PPFIBP2: variants seen among roughly 807,000 people sequenced by gnomAD.
PPFIBP2 encodes the protein liprin-beta-2.
Under a neutral mutation model 118.3 loss-of-function variants are expected in PPFIBP2, and 118 were observed. The ratio of observed to expected loss-of-function variants is 1.00; its 90% CI spans 0.86 to 1.16. PPFIBP2 has a LOEUF of 1.16. PPFIBP2 is among the 50% of genes most tolerant of loss of function. The probability of loss-of-function intolerance (pLI) is 0.00; values close to 1 mark genes in which losing one functional copy is unlikely to be tolerated. For missense variants in PPFIBP2, 1,195 were observed against 1,073.1 expected, an observed-to-expected ratio of 1.11 and a Z score of -1.59; for synonymous variants, 414 against 397.4, an observed-to-expected ratio of 1.04 and a Z score of -0.50.
rs763186519 is a variant in PPFIBP2, at chr11:7,634,478, T to C, written c.1137-17T>C. On this transcript the variant is annotated splice_polypyrimidine_tract_variant and intron_variant, in intron 12 of 23. Transcript: ENST00000299492. ...CCTCCTTCTCATAACTATTTCTTTCTTTTGTGTTTTTTTCAGGGCTCAGAA... is the reference window on the plus strand; with the variant it reads ...CCTCCTTCTCATAACTATTTCTTTCCTTTGTGTTTTTTTCAGGGCTCAGAA... 18 of 1,593,644 alleles carry C rather than the reference T, an allele frequency of 1.1e-5. No homozygotes were observed. The East Asian group carries it at 3.3e-4, about 30-fold the overall frequency.
At chr11:7,649,293 A>AC (rs1389721828) in intron 20 of PPFIBP2, 58 bp downstream of exon 20, 22 of 1,456,008 alleles carry the variant, frequency 1.5e-5, no homozygotes, top group Non-Finnish European at 2.1e-5. Context: ...GCTCACGTGT[A>AC]CCCATGGTGG....
intron 3 of PPFIBP2, among the ~76,000 whole-genome samples, chr11:7,569,860 T>C (rs1855456354): frequency 6.6e-6 from 1 of 152,198 alleles, no homozygotes; most frequent in African/African-American, 2.4e-5. Context: ...CCTCCTTCTC[T>C]GTTTACTATG....
intron 5 of PPFIBP2, among the ~76,000 whole-genome samples, chr11:7,606,989 C>T (rs888821269): frequency 7.4e-6 from 1 of 134,552 alleles, no homozygotes; most frequent in Non-Finnish European, 1.5e-5. Flanking sequence ...CGGCTAACTG[C>T]AAGCTCTGCC....
In PPFIBP2 at chr11:7,577,351, GTT is replaced by G. The variant is rs745385650; in HGVS notation, c.279+11586_279+11587del. The G allele has an allele frequency of 2.3e-3, 772 of 342,426 alleles. 2 individuals carry two copies. The highest frequency in any genetic ancestry group is 0.011 in the Middle Eastern group (10 of 932). The allele number at this position is 342,426 out of a possible 1,614,324, so 21.2% of individuals were successfully genotyped here. A position where few individuals can be genotyped will look rare whatever the true frequency, so the allele number is the denominator to read the frequency against. On this transcript the variant is annotated intron_variant, in intron 3 of 23. Coordinates refer to ENST00000299492, the MANE Select transcript of PPFIBP2 (RefSeq NM_003621.5). ...TGTGTGTGTGTGTGTGTGTGTGTGT[GTT>G]TGTTGGGGTGGTCGGGGAGGACACT...
At chr11:7,562,548 T>G (rs1391483154) in intron 2 of PPFIBP2, among the ~76,000 whole-genome samples, 1 of 152,172 alleles carries the variant, frequency 6.6e-6, no homozygotes, top group Non-Finnish European at 1.5e-5. Flanking sequence ...TATCCACAAA[T>G]TACGAATATT....
At chr11:7,593,002 A>T in intron 3 of PPFIBP2, 130 bp from the exon 4 acceptor site, 1 of 1,325,280 alleles carries the variant, frequency 7.5e-7, no homozygotes, top group Non-Finnish European at 1.0e-6. Flanking sequence ...TCCTGTTTTG[A>T]TGATTGGTTT....
chr11:7,514,990 A>C (rs1166777999), intron 1 of PPFIBP2, among the ~76,000 whole-genome samples: 3 of 152,216 alleles, frequency 2.0e-5, no homozygotes, highest in Non-Finnish European at 2.9e-5. Context: ...TTGTAATACA[A>C]ATCTGAAGTG....
At chr11:7,650,085 C>T (rs921966249) in intron 21 of PPFIBP2, among the ~76,000 whole-genome samples, 3 of 152,082 alleles carry the variant, frequency 2.0e-5, no homozygotes, top group African/African-American at 7.2e-5. Context: ...CTTCCAGGCC[C>T]AGGTACAGGG....
rs532623245 is a variant in PPFIBP2, at chr11:7,553,568, C to G, written c.64+4029C>G. Among the ~76,000 whole-genome samples, 4 of 152,240 alleles carry G rather than the reference C, an allele frequency of 2.6e-5. No individual in the cohort carries two copies. The South Asian group carries it at 8.3e-4, about 32-fold the overall frequency. ...AGTTGGACTGTAGGGGTTTGAATCC[C>G]AGCTCAGCCATTTAGTGCTGGCTGT... On this transcript the variant is annotated intron_variant, in intron 2 of 23. Coordinates refer to ENST00000299492, the MANE Select transcript of PPFIBP2 (RefSeq NM_003621.5).
chr11:7,618,042 G>A (rs751200714), intron 6 of PPFIBP2, among the ~76,000 whole-genome samples: 21 of 152,270 alleles, frequency 1.4e-4, no homozygotes, highest in African/African-American at 4.3e-4. Flanking sequence ...AGAAAAGACC[G>A]AGGTCACAGC....
intron 5 of PPFIBP2, chr11:7,598,254 A>T (rs764918002): frequency 3.2e-6 from 1 of 312,534 alleles, no homozygotes; most frequent in South Asian, 2.8e-5. Context: ...GAGATATGCA[A>T]TTTAGTCCTC....
rs1260342657 is a variant in PPFIBP2, at chr11:7,641,723, A to C, written c.1517+103A>C. The C allele has an allele frequency of 7.0e-6, 8 of 1,139,024 alleles. No individual in the cohort carries two copies. In the Middle Eastern group the frequency reaches 6.7e-4, roughly 96 times the overall value. The allele number at this position is 1,139,024 out of a possible 1,614,324, so 70.6% of individuals were successfully genotyped here. ...CTGGTCCAATAGACACTGAAACAGC[A>C]GTCAAAACAGAGTGTTCATGTTCAA... On this transcript the variant is annotated intron_variant, in intron 16 of 23. Transcript: ENST00000299492.
At chr11:7,542,487 CA>C (rs1851900850) in intron 1 of PPFIBP2, among the ~76,000 whole-genome samples, 3 of 152,218 alleles carry the variant, frequency 2.0e-5, no homozygotes, top group African/African-American at 4.8e-5. Context: ...GCCACCTCTT[CA>C]CCTCCCCACC....
intron 9 of PPFIBP2, 123 bp from the exon 10 acceptor site, chr11:7,629,335 CT>C: frequency 5.3e-6 from 5 of 942,982 alleles, no homozygotes; most frequent in Admixed American, 1.9e-5. Flanking sequence ...CCTGGACACT[CT>C]TTTCCTTTGG....
Position 7,649,220 on chromosome 11 carries a change from G to T in PPFIBP2, c.1983G>T (p.Leu661=), listed in dbSNP as rs1465924303. Residue 661 remains leucine (L), a synonymous_variant, in exon 20 of 24, where the codon CTG becomes CTT. Transcript: ENST00000299492. ...FHESRVDRRM[L]QYLTVNDLLF... ...AATCTAGAGTTGACAGACGAATGCT[G>T]CAATACCTAACTGTGGTGAGGACTT... 1.2e-6 allele frequency: 2 copies of T among 1,613,368 alleles called. No homozygotes were observed.
At chr11:7,633,361 C>G (rs573599553) in intron 12 of PPFIBP2, among the ~76,000 whole-genome samples, 5 of 152,200 alleles carry the variant, frequency 3.3e-5, no homozygotes, top group African/African-American at 1.2e-4. Context: ...GGTCTAATTG[C>G]TTTAAGGATG....
chr11:7,582,525 C>G (rs189269124), intron 3 of PPFIBP2, among the ~76,000 whole-genome samples: 249 of 152,300 alleles, frequency 1.6e-3, no homozygotes, highest in African/African-American at 5.8e-3. Context: ...GGGTCATTTG[C>G]TGAACAACTT....
chr11:7,567,000 T>C (rs1448390869), intron 3 of PPFIBP2, among the ~76,000 whole-genome samples: 1 of 152,282 alleles, frequency 6.6e-6, no homozygotes, highest in African/African-American at 2.4e-5. Context: ...AATGACCTTT[T>C]ATTAGCCGTT....
rs1397945799 is a variant in PPFIBP2 at position 7,643,699 on chromosome 11, T to C, written c.1646+1273T>C. ...AATGTCCTCTGGTGATATTTATAATTTCTAGATATTAATATTTAGGTGTAG... is the reference window on the plus strand; with the variant it reads ...AATGTCCTCTGGTGATATTTATAATCTCTAGATATTAATATTTAGGTGTAG... On this transcript the variant is annotated intron_variant, in intron 17 of 23. Transcript: ENST00000299492. 2.6e-5 allele frequency among the ~76,000 whole-genome samples: 4 copies of C among 152,250 alleles called. No individual in the cohort carries two copies. The East Asian group carries it at 7.7e-4, about 29-fold the overall frequency.
Sources: allele counts gnomAD v4.1 joint callset (sites outside exome capture counted in the v4.1 genomes callset), GRCh38; gene constraint gnomAD v4.1.1; transcripts MANE v1.5; gene names NCBI Gene and HGNC (gene_info 2026-07-23, HGNC 2026-07-21).